FRMD6: variants seen among roughly 807,000 people sequenced by gnomAD.
The protein encoded by FRMD6 is FERM domain-containing protein 6.
FRMD6 carries 37 observed loss-of-function variants against 73.2 expected under a neutral mutation model. That is an observed-to-expected ratio of 0.51 (90% confidence interval 0.39 to 0.66). The LOEUF (loss-of-function observed/expected upper bound fraction) is 0.66. Among genes scored for constraint, FRMD6 ranks in the 30% least tolerant of loss-of-function variants. FRMD6 has a pLI of 0.00. For synonymous variants in FRMD6, 273 were observed against 282.2 expected (o/e 0.97, Z 0.33); for missense variants, 714 against 780.5 (o/e 0.91, Z 1.02).
intron 1 of FRMD6, among the ~76,000 whole-genome samples, chr14:51,675,026 G>A (rs775045351): frequency 6.6e-6 from 1 of 152,136 alleles, no homozygotes; most frequent in Non-Finnish European, 1.5e-5. Context: ...CTCTAGTTGA[G>A]AAGAGTTACA....
At chr14:51,599,058 C>CTTTTCTTTTTTTTTTTTTTTT (rs1158794443) in intron 2 of FRMD6, among the ~76,000 whole-genome samples, 3 of 72,800 alleles carry the variant, frequency 4.1e-5, no homozygotes, top group East Asian at 4.8e-4. Context: ...CAGTATCTGT[C>CTTTTCTTTTTTTTTTTTTTTT]TTTTTTTTTT....
chr14:51,609,064 G>A (rs1266170397), intron 2 of FRMD6, among the ~76,000 whole-genome samples: 2 of 152,106 alleles, frequency 1.3e-5, no homozygotes, highest in Non-Finnish European at 2.9e-5. Context: ...TTAATTTCAA[G>A]TATCCTTTCT....
intron 4 of FRMD6, 44 bp from the exon 5 acceptor site, chr14:51,702,468 G>A: frequency 6.5e-7 from 1 of 1,535,660 alleles, no homozygotes; most frequent in Non-Finnish European, 8.9e-7. Flanking sequence ...CATTTTCAAA[G>A]TAACTAGAAA....
the FRMD6 span, among the ~76,000 whole-genome samples, chr14:51,457,210 A>G: frequency 6.6e-6 from 1 of 152,242 alleles, no homozygotes; most frequent in Non-Finnish European, 1.5e-5. Context: ...TTATTACACA[A>G]TGTAAACATG....
chr14:51,464,303 G>T, the FRMD6 span, among the ~76,000 whole-genome samples: 92 of 152,202 alleles, frequency 6.0e-4, no homozygotes, highest in African/African-American at 1.7e-3. Context: ...TAGGTGATGG[G>T]ATGATCTGTG....
At chr14:51,433,343 G>C in the FRMD6 span, among the ~76,000 whole-genome samples, 4 of 152,126 alleles carry the variant, frequency 2.6e-5, no homozygotes, top group African/African-American at 4.8e-5. Context: ...TTTATACATG[G>C]AGTACTATAT....
chr14:51,458,804 G>C, the FRMD6 span, among the ~76,000 whole-genome samples: 1 of 152,204 alleles, frequency 6.6e-6, no homozygotes, highest in Admixed American at 6.5e-5. Flanking sequence ...CTAGGTCTTA[G>C]TGATGAGACG....
intron 2 of FRMD6, 141 bp downstream of exon 2, chr14:51,690,076 A>G (rs766361802): frequency 3.7e-5 from 25 of 675,288 alleles, no homozygotes; most frequent in Middle Eastern, 2.4e-4. Flanking sequence ...CAAATAGTCC[A>G]TACATACATT....
chr14:51,673,621 A>G (rs1298154393), intron 1 of FRMD6, among the ~76,000 whole-genome samples: 2 of 152,188 alleles, frequency 1.3e-5, no homozygotes, highest in Non-Finnish European at 1.5e-5. Context: ...TCCTGCAGCA[A>G]TTAATATTTG....
At chr14:51,559,634 C>G (rs1489084850) in intron 1 of FRMD6, among the ~76,000 whole-genome samples, 1 of 152,152 alleles carries the variant, frequency 6.6e-6, no homozygotes, top group African/African-American at 2.4e-5. Context: ...CAGTTTCATA[C>G]ATTCTGCTTA....
chr14:51,513,190 A>G (rs1163407875), intron 1 of FRMD6, among the ~76,000 whole-genome samples: 3 of 152,112 alleles, frequency 2.0e-5, no homozygotes, highest in Admixed American at 6.6e-5. Context: ...GCATTCCACA[A>G]GCTCCCAGGT....
chr14:51,678,844 G>A (rs1894581635), intron 1 of FRMD6, among the ~76,000 whole-genome samples: 1 of 150,506 alleles, frequency 6.6e-6, no homozygotes, highest in South Asian at 2.1e-4. Flanking sequence ...TGGAGTGGGT[G>A]GGTGGGTGGG....
At chr14:51,431,371 GAT>G in the FRMD6 span, among the ~76,000 whole-genome samples, 1,395 of 152,236 alleles carry the variant, frequency 9.2e-3, 22 homozygotes, top group African/African-American at 0.032. Context: ...CATGCAAATT[GAT>G]ATGTTTTCAA....
At chr14:51,584,782 CAG>C (rs1888929109) in intron 2 of FRMD6, among the ~76,000 whole-genome samples, 1 of 151,864 alleles carries the variant, frequency 6.6e-6, no homozygotes, top group South Asian at 2.1e-4. Context: ...CCACTTTCCT[CAG>C]AGTCTGTAAA....
At chr14:51,429,072 G>C in the FRMD6 span, among the ~76,000 whole-genome samples, 1 of 151,916 alleles carries the variant, frequency 6.6e-6, no homozygotes, top group Non-Finnish European at 1.5e-5. Flanking sequence ...GAAGAGAAAA[G>C]AGAAGAGAAC....
chr14:51,422,858 A>T, the FRMD6 span, among the ~76,000 whole-genome samples: 1 of 152,180 alleles, frequency 6.6e-6, no homozygotes, highest in African/African-American at 2.4e-5. Flanking sequence ...CCCTCTAGAA[A>T]CATGGTAGGA....
chr14:51,688,714 G>A (rs1244354174), intron 1 of FRMD6, among the ~76,000 whole-genome samples: 1 of 152,112 alleles, frequency 6.6e-6, no homozygotes, highest in Non-Finnish European at 1.5e-5. Context: ...TGGTTGAATA[G>A]TGTTCTATTA....
At chr14:51,664,143 C>T (rs2140185410) in intron 1 of FRMD6, among the ~76,000 whole-genome samples, 2 of 152,264 alleles carry the variant, frequency 1.3e-5, no homozygotes, top group Middle Eastern at 6.8e-3. Context: ...CTGACTAGGC[C>T]ACACAGCATA....
intron 1 of FRMD6, among the ~76,000 whole-genome samples, chr14:51,503,673 A>C (rs2140223131): frequency 8.6e-6 from 1 of 116,408 alleles, no homozygotes; most frequent in Admixed American, 9.8e-5. Context: ...ATTGGGCTGA[A>C]GTTTTTTGTT....
Sources: allele counts gnomAD v4.1 joint callset (sites outside exome capture counted in the v4.1 genomes callset), GRCh38; gene constraint gnomAD v4.1.1; transcripts MANE v1.5; gene names NCBI Gene and HGNC (gene_info 2026-07-23, HGNC 2026-07-21).